The following RSAD2 variants were observed in gnomAD, a reference collection of about 807,000 sequenced individuals.
RSAD2 encodes S-adenosylmethionine-dependent nucleotide dehydratase RSAD2.
A neutral mutation model predicts 37.7 loss-of-function variants in RSAD2; 38 were observed. The ratio of observed to expected loss-of-function variants is 1.01; its 90% CI spans 0.78 to 1.32. RSAD2 has a LOEUF of 1.32. Among genes scored for constraint, RSAD2 ranks in the 40% most tolerant of loss-of-function variants. The pLI is 0.00. For missense variants in RSAD2, 428 were observed against 437.5 expected, an observed-to-expected ratio of 0.98 and a Z score of 0.19; for synonymous variants, 163 against 157.4, an observed-to-expected ratio of 1.04 and a Z score of -0.27.
intron 1 of RSAD2, among the ~76,000 whole-genome samples, chr2:6,872,509 C>A (rs1295826136): frequency 6.6e-6 from 1 of 151,960 alleles, no homozygotes; most frequent in Non-Finnish European, 1.5e-5. Context: ...ATTCTGTTTG[C>A]AAGTGTATGA....
chr2:6,893,403 T>A (rs1663669603), intron 4 of RSAD2, among the ~76,000 whole-genome samples: 1 of 152,138 alleles, frequency 6.6e-6, no homozygotes, highest in South Asian at 2.1e-4. Context: ...TGCCTTGGGG[T>A]TCAATGTCAG....
At chr2:6,893,795 A>G in intron 5 of RSAD2, 92 bp downstream of exon 5, 5 of 865,512 alleles carry the variant, frequency 5.8e-6, no homozygotes, top group Admixed American at 3.7e-5. Context: ...ACTATCTAGT[A>G]CCTATTTGTC....
rs1175611669 is a variant in RSAD2 at position 6,893,704 on chromosome 2, G to A, written c.921+1G>A. On this transcript the variant is annotated splice_donor_variant, in intron 5 of 5. Coordinates refer to ENST00000382040, the MANE Select transcript of RSAD2 (RefSeq NM_080657.5). LOFTEE classifies it high-confidence loss of function. ...CTCCTACCTTATTCTGGATGAATAT[G>A]TGAGTATTTCCAATGAGTTATAAAA... 2 of 1,593,134 alleles carry A rather than the reference G, an allele frequency of 1.3e-6. No homozygotes were observed. Among genetic ancestry groups the A allele is most frequent in the African/African-American group, 2.7e-5 (2 of 74,634 alleles).
At chr2:6,891,078 CATGAT>C (rs1663621082) in intron 4 of RSAD2, among the ~76,000 whole-genome samples, 1 of 151,794 alleles carries the variant, frequency 6.6e-6, no homozygotes, top group South Asian at 2.1e-4. Flanking sequence ...AATATGTTAA[CATGAT>C]ATACTGAATT....
chr2:6,874,831 G>T (rs949449869), upstream of RSAD2, among the ~76,000 whole-genome samples: 2 of 152,060 alleles, frequency 1.3e-5, no homozygotes, highest in African/African-American at 4.8e-5. Flanking sequence ...CTATTTGTGA[G>T]CATTCTTATT....
chr2:6,895,353 A>G (rs1048624766), intron 5 of RSAD2, among the ~76,000 whole-genome samples: 2 of 152,198 alleles, frequency 1.3e-5, no homozygotes, highest in Non-Finnish European at 2.9e-5. Context: ...CATCATTACT[A>G]TTCCAGAAAC....
upstream of RSAD2, among the ~76,000 whole-genome samples, chr2:6,874,109 A>G (rs534260901): frequency 1.3e-5 from 2 of 152,224 alleles, no homozygotes; most frequent in African/African-American, 4.8e-5. Context: ...TGATCGTTTA[A>G]AAGTGTGTAG....
chr2:6,872,357 C>T (rs112111286), intron 1 of RSAD2, among the ~76,000 whole-genome samples: 1 of 152,056 alleles, frequency 6.6e-6, no homozygotes, highest in Non-Finnish European at 1.5e-5. Flanking sequence ...AAAAGATGTT[C>T]TGTTAGAAAG....
chr2:6,879,822 G>A (rs952770113), intron 1 of RSAD2, among the ~76,000 whole-genome samples: 1 of 152,160 alleles, frequency 6.6e-6, no homozygotes, highest in Non-Finnish European at 1.5e-5. Context: ...GCATGAGTGA[G>A]TGAATAAGGA....
chr2:6,872,070 G>T (rs993088779), intron 1 of RSAD2, among the ~76,000 whole-genome samples: 7 of 152,210 alleles, frequency 4.6e-5, no homozygotes, highest in Admixed American at 3.9e-4. Context: ...ATGCAGATGG[G>T]ATAAAAATTT....
intron 4 of RSAD2, among the ~76,000 whole-genome samples, chr2:6,891,560 A>G (rs1371729471): frequency 1.3e-5 from 2 of 152,064 alleles, no homozygotes; most frequent in African/African-American, 2.4e-5. Context: ...GAGGTCAGGA[A>G]ATCGAGACCA....
intron 2 of RSAD2, among the ~76,000 whole-genome samples, chr2:6,885,715 G>A (rs1043210815): frequency 1.3e-5 from 2 of 152,202 alleles, no homozygotes; most frequent in Non-Finnish European, 2.9e-5. Context: ...CAGATCCTCA[G>A]ATGACTTGGA....
chr2:6,890,009 T>C (rs1172929510), intron 3 of RSAD2, among the ~76,000 whole-genome samples, 167 bp from the exon 4 acceptor site: 1 of 152,238 alleles, frequency 6.6e-6, no homozygotes, highest in Non-Finnish European at 1.5e-5. Flanking sequence ...TATTCCTAAA[T>C]TTCAGGGCTA....
chr2:6,869,248 C>T (rs1663163397), intron 1 of RSAD2, among the ~76,000 whole-genome samples: 2 of 152,202 alleles, frequency 1.3e-5, no homozygotes, highest in South Asian at 4.1e-4. Flanking sequence ...TCTTGCTCTA[C>T]AGCCTTTTAG....
chr2:6,891,201 AAAC>A (rs1328781662), intron 4 of RSAD2, among the ~76,000 whole-genome samples: 1 of 152,132 alleles, frequency 6.6e-6, no homozygotes, highest in African/African-American at 2.4e-5. Flanking sequence ...TACAGAAAAA[AAAC>A]AAATGGTGAA....
At chr2:6,869,110 T>C (rs1663159729) in intron 1 of RSAD2, among the ~76,000 whole-genome samples, 1 of 152,130 alleles carries the variant, frequency 6.6e-6, no homozygotes, top group Admixed American at 6.5e-5. Flanking sequence ...TCCTGGCCAG[T>C]GGTTTCAAAC....
chr2:6,870,436 A>G (rs890668932), intron 1 of RSAD2, among the ~76,000 whole-genome samples: 10 of 152,174 alleles, frequency 6.6e-5, no homozygotes, highest in African/African-American at 2.4e-4. Flanking sequence ...CAACTTTGGG[A>G]CCATGAGGTG....
upstream of RSAD2, among the ~76,000 whole-genome samples, chr2:6,876,513 A>G (rs1663284460): frequency 6.6e-6 from 1 of 152,238 alleles, no homozygotes; most frequent in African/African-American, 2.4e-5. Flanking sequence ...AAGAAGTGAG[A>G]TCTATCCAAA....
chr2:6,887,891 T>C (rs1448801838), intron 3 of RSAD2, among the ~76,000 whole-genome samples: 3 of 152,140 alleles, frequency 2.0e-5, no homozygotes, highest in Non-Finnish European at 4.4e-5. Flanking sequence ...CAATGAAAGA[T>C]AAGATGCAGA....
Sources: gnomAD v4.1 joint callset for allele counts (sites outside exome capture counted in the v4.1 genomes callset) on GRCh38, gnomAD v4.1.1 for gene constraint, MANE v1.5 for transcripts, NCBI Gene and HGNC (gene_info 2026-07-23, HGNC 2026-07-21) for gene names.